The following PDE8B variants were observed in gnomAD, a reference collection of about 807,000 sequenced individuals.
PDE8B encodes the protein high affinity cAMP-specific and IBMX-insensitive 3',5'-cyclic phosphodiesterase 8B.
PDE8B carries 26 observed loss-of-function variants against 101.3 expected under a neutral mutation model. The ratio of observed to expected loss-of-function variants is 0.26; its 90% CI spans 0.19 to 0.36. The LOEUF (loss-of-function observed/expected upper bound fraction) is 0.36, where lower values mean the gene tolerates loss of function less well. PDE8B is among the 10% of genes least tolerant of loss of function. The pLI is 1.00. For synonymous variants in PDE8B, 424 were observed against 429.3 expected, an observed-to-expected ratio of 0.99 and a Z score of 0.15; for missense variants, 810 against 1,163.1, an observed-to-expected ratio of 0.70 and a Z score of 4.42.
the PDE8B span, among the ~76,000 whole-genome samples, chr5:77,168,512 C>G: frequency 6.6e-6 from 1 of 152,228 alleles, no homozygotes; most frequent in Non-Finnish European, 1.5e-5. Flanking sequence ...ACTCCTCCTG[C>G]CCCTCTGAGG....
At chr5:77,320,660 T>C (rs1296629822) in intron 2 of PDE8B, among the ~76,000 whole-genome samples, 1 of 152,164 alleles carries the variant, frequency 6.6e-6, no homozygotes, top group Non-Finnish European at 1.5e-5. Context: ...TAACAAGTCA[T>C]CGATAAATAT....
At chr5:77,260,581 C>CTTTT (rs1561431905) in intron 1 of PDE8B, among the ~76,000 whole-genome samples, 6 of 131,400 alleles carry the variant, frequency 4.6e-5, no homozygotes, top group South Asian at 2.4e-4. Context: ...CACTGTGGCT[C>CTTTT]ATTTTTTTTT....
chr5:77,261,014 A>G (rs1201297472), intron 1 of PDE8B, among the ~76,000 whole-genome samples: 4 of 152,250 alleles, frequency 2.6e-5, no homozygotes, highest in Admixed American at 1.3e-4. Context: ...ATTGGGAACG[A>G]TTGATCAAGA....
At chr5:77,375,705 A>G (rs1785933587) in intron 10 of PDE8B, among the ~76,000 whole-genome samples, 1 of 152,142 alleles carries the variant, frequency 6.6e-6, no homozygotes, top group Admixed American at 6.6e-5. Context: ...TTCCAGTGGT[A>G]GTCTAGTAAG....
intron 10 of PDE8B, among the ~76,000 whole-genome samples, chr5:77,376,374 G>C (rs920329636): frequency 2.0e-5 from 3 of 152,200 alleles, no homozygotes; most frequent in Admixed American, 2.0e-4. Context: ...GAGAGCCAGA[G>C]CTTTATCTCT....
At chr5:77,137,332 T>G in the PDE8B span, among the ~76,000 whole-genome samples, 1 of 152,150 alleles carries the variant, frequency 6.6e-6, no homozygotes, top group East Asian at 1.9e-4. Flanking sequence ...CAAATGCAGC[T>G]GGATTGAAAG....
the PDE8B span, among the ~76,000 whole-genome samples, chr5:77,169,954 C>T: frequency 6.6e-6 from 1 of 152,156 alleles, no homozygotes; most frequent in African/African-American, 2.4e-5. Context: ...ACGGCTCTAT[C>T]TCAAGTTCCC....
At chr5:77,200,449 T>C in the PDE8B span, among the ~76,000 whole-genome samples, 1 of 152,208 alleles carries the variant, frequency 6.6e-6, no homozygotes, top group South Asian at 2.1e-4. Flanking sequence ...AAGGGGACTA[T>C]TGAAAACCTG....
chr5:77,244,549 A>C (rs1006286111), intron 1 of PDE8B, among the ~76,000 whole-genome samples: 1 of 152,128 alleles, frequency 6.6e-6, no homozygotes, highest in Admixed American at 6.5e-5. Flanking sequence ...AGCAGGCCTC[A>C]GTATATTGTA....
At chr5:77,316,807 G>A (rs1180049729) in intron 2 of PDE8B, among the ~76,000 whole-genome samples, 1 of 152,124 alleles carries the variant, frequency 6.6e-6, no homozygotes, top group Non-Finnish European at 1.5e-5. Context: ...CTGCCACCCA[G>A]TGCAAGACCT....
rs1871466 is a variant in PDE8B at position 77,399,871 on chromosome 5, C to T, written c.1168-377C>T. 8.2e-3 allele frequency among the ~76,000 whole-genome samples: 1,248 copies of T among 152,268 alleles called. 20 individuals are homozygous for T. Among genetic ancestry groups the T allele is most frequent in the African/African-American group, 0.028 (1,175 of 41,536 alleles). ...TCTGTAGCACAGAAAAATTTTATAA[C>T]GTATCTGAAACAAACAGGTTATATG... On this transcript the variant is annotated intron_variant, in intron 10 of 21. Coordinates refer to ENST00000264917, the MANE Select transcript of PDE8B (RefSeq NM_003719.5).
chr5:77,218,876 T>A (rs903629602), intron 1 of PDE8B, among the ~76,000 whole-genome samples: 7 of 152,204 alleles, frequency 4.6e-5, no homozygotes, highest in Non-Finnish European at 8.8e-5. Context: ...AACATGTAAT[T>A]TTTTTAATGG....
At chr5:77,214,346 G>T (rs1041932827) in intron 1 of PDE8B, among the ~76,000 whole-genome samples, 7 of 152,214 alleles carry the variant, frequency 4.6e-5, no homozygotes, top group African/African-American at 1.7e-4. Flanking sequence ...ACAGGATGTT[G>T]TTAGTTTCCA....
intron 10 of PDE8B, among the ~76,000 whole-genome samples, chr5:77,375,762 G>GA (rs1335244832): frequency 5.3e-5 from 8 of 151,912 alleles, no homozygotes; most frequent in Non-Finnish European, 8.8e-5. Flanking sequence ...TGTCTGGAAG[G>GA]AAAAAACTGC....
chr5:77,264,690 C>A (rs540811735), intron 1 of PDE8B, among the ~76,000 whole-genome samples: 109 of 152,148 alleles, frequency 7.2e-4, no homozygotes, highest in African/African-American at 2.4e-3. Context: ...ATTATAATAT[C>A]CTGTGGGTAG....
At chr5:77,124,645 G>A in the PDE8B span, among the ~76,000 whole-genome samples, 1 of 151,524 alleles carries the variant, frequency 6.6e-6, no homozygotes, top group Admixed American at 6.6e-5. Flanking sequence ...ATGAAAGGAC[G>A]TGAAAGTTAT....
At chr5:77,367,544 T>A (rs910141453) in intron 10 of PDE8B, among the ~76,000 whole-genome samples, 3 of 148,966 alleles carry the variant, frequency 2.0e-5, no homozygotes, top group African/African-American at 7.4e-5. Flanking sequence ...TTTTTTTTTT[T>A]TTTTTTTGAC....
intron 11 of PDE8B, among the ~76,000 whole-genome samples, chr5:77,402,424 G>A (rs928841010): frequency 1.3e-5 from 2 of 152,016 alleles, no homozygotes; most frequent in African/African-American, 2.4e-5. Context: ...TAATAGTTCC[G>A]CTTTCACTTC....
Position 77,287,644 on chromosome 5 carries a change from GC to G in PDE8B, c.340-24348del, listed in dbSNP as rs544701986. Among the ~76,000 whole-genome samples the G allele has an allele frequency of 1.6e-3, 248 of 151,902 alleles. 2 individuals carry two copies. Among genetic ancestry groups the G allele is most frequent in the African/African-American group, 5.7e-3 (238 of 41,402 alleles). ...TGCCTCTCACATTCTTCTTATATTTGCCATCCTTTTGTCTCCCTGCACCTTA... is the reference window on the plus strand; with the variant it reads ...TGCCTCTCACATTCTTCTTATATTTGCATCCTTTTGTCTCCCTGCACCTTA... On this transcript the variant is annotated intron_variant, in intron 1 of 21. Transcript: ENST00000264917.
Sources: gnomAD v4.1 joint callset for allele counts (sites outside exome capture counted in the v4.1 genomes callset) on GRCh38, gnomAD v4.1.1 for gene constraint, MANE v1.5 for transcripts, NCBI Gene and HGNC (gene_info 2026-07-23, HGNC 2026-07-21) for gene names.